NALF1: variants seen among roughly 807,000 people sequenced by gnomAD.
The protein encoded by NALF1 is NALCN channel auxiliary factor 1, also known as family with sequence similarity 155 member A.
Under a neutral mutation model 48.4 loss-of-function variants are expected in NALF1, and 3 were observed. The ratio of observed to expected loss-of-function variants is 0.06; its 90% confidence interval spans 0.03 to 0.16. The LOEUF is 0.16. Among genes scored for constraint, NALF1 ranks in the 10% least tolerant of loss-of-function variants. The probability of loss-of-function intolerance (pLI) is 1.00; values close to 1 mark genes in which losing one functional copy is unlikely to be tolerated. For missense variants in NALF1, 526 were observed against 571.5 expected (o/e 0.92, Z 0.81); for synonymous variants, 262 against 245.7 (o/e 1.07, Z -0.62).
At chr13:107,854,448 G>C (rs1880392462) in intron 1 of NALF1, among the ~76,000 whole-genome samples, 1 of 152,232 alleles carries the variant, frequency 6.6e-6, no homozygotes, top group Admixed American at 6.5e-5. Context: ...TACGGCCGGA[G>C]ATACCCGATT....
chr13:107,845,171 G>T (rs1880138344), intron 1 of NALF1, among the ~76,000 whole-genome samples: 1 of 152,112 alleles, frequency 6.6e-6, no homozygotes, highest in Non-Finnish European at 1.5e-5. Context: ...TCTTAATTTT[G>T]GTTGAATGCA....
intron 2 of NALF1, among the ~76,000 whole-genome samples, chr13:107,193,626 T>G (rs917469416): frequency 1.3e-5 from 2 of 152,110 alleles, no homozygotes; most frequent in African/African-American, 4.8e-5. Context: ...CCCTCCCACA[T>G]GCAGGAGGGG....
At chr13:107,271,206 T>G (rs914576824) in intron 1 of NALF1, among the ~76,000 whole-genome samples, 1 of 152,146 alleles carries the variant, frequency 6.6e-6, no homozygotes, top group African/African-American at 2.4e-5. Context: ...GCAGCTGTAG[T>G]TAAAGTTACT....
chr13:107,270,841 T>G, intron 1 of NALF1, among the ~76,000 whole-genome samples: 1 of 124,530 alleles, frequency 8.0e-6, no homozygotes, highest in Non-Finnish European at 1.6e-5. Flanking sequence ...CAGGCCCCGG[T>G]GTGTGATGTT....
intron 1 of NALF1, among the ~76,000 whole-genome samples, chr13:107,733,351 C>A (rs575425269): frequency 2.4e-4 from 36 of 152,142 alleles, no homozygotes; most frequent in Non-Finnish European, 5.0e-4. Context: ...TCCAGGACCA[C>A]CATTATCAAG....
intron 1 of NALF1, among the ~76,000 whole-genome samples, chr13:107,381,923 C>T (rs1432246365): frequency 6.6e-6 from 1 of 152,162 alleles, no homozygotes; most frequent in African/African-American, 2.4e-5. Context: ...TGCTCCTCCC[C>T]AAGCACTTTT....
At chr13:107,519,930 C>T (rs1434615790) in intron 1 of NALF1, among the ~76,000 whole-genome samples, 1 of 152,078 alleles carries the variant, frequency 6.6e-6, no homozygotes, top group Non-Finnish European at 1.5e-5. Context: ...ATGTAGTGCT[C>T]TGGTTAAAGT....
intron 1 of NALF1, among the ~76,000 whole-genome samples, chr13:107,400,943 T>C (rs1403017361): frequency 6.6e-6 from 1 of 152,146 alleles, no homozygotes; most frequent in East Asian, 1.9e-4. Context: ...AGATACCTGA[T>C]TAACTCAATG....
chr13:107,643,767 T>C (rs1226367291), intron 1 of NALF1, among the ~76,000 whole-genome samples: 1 of 152,134 alleles, frequency 6.6e-6, no homozygotes, highest in Non-Finnish European at 1.5e-5. Flanking sequence ...AGTAGTACCA[T>C]GCCTAATGCC....
intron 1 of NALF1, among the ~76,000 whole-genome samples, chr13:107,232,195 T>C (rs1880241597): frequency 6.6e-6 from 1 of 152,116 alleles, no homozygotes; most frequent in African/African-American, 2.4e-5. Flanking sequence ...GGTAATTAGG[T>C]AGGTAAGGGC....
chr13:107,678,867 A>G (rs1038102928), intron 1 of NALF1, among the ~76,000 whole-genome samples: 13 of 152,206 alleles, frequency 8.5e-5, no homozygotes, highest in African/African-American at 3.1e-4. Flanking sequence ...TCTCTCCCGT[A>G]ACACGTGGGG....
chr13:107,487,052 T>C (rs1885340530), intron 1 of NALF1, among the ~76,000 whole-genome samples: 1 of 152,132 alleles, frequency 6.6e-6, no homozygotes, highest in South Asian at 2.1e-4. Flanking sequence ...AATTCCTCCG[T>C]GCAGCTTCTG....
Position 107,712,376 on chromosome 13 carries a change from G to A in NALF1, c.915+153306C>T, listed in dbSNP as rs16970965. ...GCAAAACAAACAGGCAGTAATCACC[G>A]CAATAAAACAGAGGACAAGGCAACC... On this transcript the variant is annotated intron_variant, in intron 1 of 2. Coordinates refer to ENST00000375915, the MANE Select transcript of NALF1 (RefSeq NM_001080396.3). Among the ~76,000 whole-genome samples the A allele has an allele frequency of 0.028, 4,295 of 152,186 alleles. 354 individuals carry two copies. In the East Asian group the frequency reaches 0.32, roughly 11 times the overall value.
chr13:107,295,793 C>T (rs1881713735), intron 1 of NALF1, among the ~76,000 whole-genome samples: 1 of 151,914 alleles, frequency 6.6e-6, no homozygotes, highest in Non-Finnish European at 1.5e-5. Context: ...AAATCAAAAC[C>T]CTATGGGCAT....
intron 1 of NALF1, among the ~76,000 whole-genome samples, chr13:107,750,531 A>C (rs1345006702): frequency 6.6e-6 from 1 of 152,134 alleles, no homozygotes; most frequent in Non-Finnish European, 1.5e-5. Flanking sequence ...AGATTGAGAA[A>C]GAAAAAGAAA....
intron 1 of NALF1, among the ~76,000 whole-genome samples, chr13:107,556,618 A>G (rs935239438): frequency 6.6e-6 from 1 of 152,014 alleles, no homozygotes; most frequent in Non-Finnish European, 1.5e-5. Context: ...CAGCCTCCCA[A>G]GTAGCTCGGA....
intron 1 of NALF1, among the ~76,000 whole-genome samples, chr13:107,631,223 T>C (rs1450323374): frequency 6.6e-6 from 1 of 152,066 alleles, no homozygotes; most frequent in Non-Finnish European, 1.5e-5. Context: ...CAAATATTTT[T>C]AATGCATAAG....
chr13:107,729,483 C>CT lies in NALF1; in HGVS notation c.915+136198dup, dbSNP rs1284765795. Among the ~76,000 whole-genome samples, 777 of 144,396 alleles carry CT rather than the reference C, an allele frequency of 5.4e-3. 3 individuals are homozygous for CT. Among genetic ancestry groups the CT allele is most frequent in the African/African-American group, 0.017 (675 of 39,676 alleles). The allele number at this position is 144,396 out of a possible 152,430, so 94.7% of individuals were successfully genotyped here. ...GCTATTAAAATGTTAGGTATTGATGCTTTTTTTTTTTGAGACAGTGTCTTG... is the reference window on the plus strand; with the variant it reads ...GCTATTAAAATGTTAGGTATTGATGCTTTTTTTTTTTTGAGACAGTGTCTTG... On this transcript the variant is annotated intron_variant, in intron 1 of 2. Coordinates refer to ENST00000375915, the MANE Select transcript of NALF1 (RefSeq NM_001080396.3).
At chr13:107,230,198 C>T (rs1369354408) in intron 1 of NALF1, among the ~76,000 whole-genome samples, 1 of 152,056 alleles carries the variant, frequency 6.6e-6, no homozygotes, top group Non-Finnish European at 1.5e-5. Flanking sequence ...TATGAAATTT[C>T]TGATATGCAA....
Sources: gnomAD v4.1 joint callset for allele counts (sites outside exome capture counted in the v4.1 genomes callset) on GRCh38, gnomAD v4.1.1 for gene constraint, MANE v1.5 for transcripts, NCBI Gene and HGNC (gene_info 2026-07-23, HGNC 2026-07-21) for gene names.